The following RHOJ variants were observed in gnomAD, a reference collection of about 807,000 sequenced individuals.
RHOJ encodes rho-related GTP-binding protein RhoJ.
In RHOJ, 11 loss-of-function variants were observed where a neutral mutation model predicts 23.4. The ratio of observed to expected loss-of-function variants is 0.47; its 90% CI spans 0.30 to 0.78. The LOEUF (loss-of-function observed/expected upper bound fraction) is 0.78, where lower values mean the gene tolerates loss of function less well. Among genes scored for constraint, RHOJ ranks in the 30% least tolerant of loss-of-function variants. The pLI is 0.08. For synonymous variants in RHOJ, 102 were observed against 102.7 expected (o/e 0.99, Z 0.04); for missense variants, 254 against 273.4 (o/e 0.93, Z 0.50).
intron 1 of RHOJ, among the ~76,000 whole-genome samples, chr14:63,247,812 A>G (rs1895002840): frequency 6.6e-6 from 1 of 152,220 alleles, no homozygotes; most frequent in Non-Finnish European, 1.5e-5. Context: ...AGACTGGGTA[A>G]TTTAAAAAGA....
intron 1 of RHOJ, among the ~76,000 whole-genome samples, chr14:63,211,134 G>C (rs575868986): frequency 5.8e-4 from 88 of 152,306 alleles, no homozygotes; most frequent in African/African-American, 2.1e-3. Context: ...GCCCAAGGTA[G>C]ACAGTCATAA....
intron 1 of RHOJ, among the ~76,000 whole-genome samples, chr14:63,266,330 G>T (rs192480346): frequency 2.6e-5 from 4 of 152,254 alleles, no homozygotes; most frequent in Non-Finnish European, 5.9e-5. Flanking sequence ...ATTCCAAAGG[G>T]AGGAGAGTAT....
intron 1 of RHOJ, among the ~76,000 whole-genome samples, chr14:63,260,900 C>T (rs1159614149): frequency 6.6e-6 from 1 of 151,780 alleles, no homozygotes; most frequent in African/African-American, 2.4e-5. Flanking sequence ...CCTGATAGTA[C>T]TTATATCAAC....
At chr14:63,220,488 A>C (rs1894467078) in intron 1 of RHOJ, among the ~76,000 whole-genome samples, 1 of 152,144 alleles carries the variant, frequency 6.6e-6, no homozygotes, top group African/African-American at 2.4e-5. Context: ...GTTAAATAGA[A>C]AAAAAACAAC....
intron 1 of RHOJ, among the ~76,000 whole-genome samples, chr14:63,266,878 A>G (rs1205561241): frequency 1.3e-5 from 2 of 152,060 alleles, no homozygotes; most frequent in African/African-American, 4.8e-5. Flanking sequence ...CTCTTTTCAT[A>G]TTTTGCTCAG....
intron 1 of RHOJ, among the ~76,000 whole-genome samples, chr14:63,231,524 G>T (rs1387930031): frequency 6.6e-6 from 1 of 152,172 alleles, no homozygotes; most frequent in Non-Finnish European, 1.5e-5. Flanking sequence ...AGCCATGTTA[G>T]GAATGGACGC....
intron 1 of RHOJ, among the ~76,000 whole-genome samples, chr14:63,206,695 C>G (rs920523410): frequency 6.6e-6 from 1 of 152,224 alleles, no homozygotes; most frequent in East Asian, 1.9e-4. Flanking sequence ...AAAATCTACA[C>G]TAGAAATCAA....
At chr14:63,222,274 A>G (rs984909299) in intron 1 of RHOJ, among the ~76,000 whole-genome samples, 1 of 152,080 alleles carries the variant, frequency 6.6e-6, no homozygotes, top group African/African-American at 2.4e-5. Context: ...GAATAGTGCC[A>G]CAATAAACAT....
intron 4 of RHOJ, chr14:63,288,418 A>T (rs1452354944): frequency 1.2e-6 from 1 of 808,194 alleles, no homozygotes; most frequent in Admixed American, 6.2e-5. Flanking sequence ...AAGGTGCTAC[A>T]GCAGTTTCTA....
At chr14:63,276,675 G>A (rs1167067082) in intron 2 of RHOJ, among the ~76,000 whole-genome samples, 3 of 152,164 alleles carry the variant, frequency 2.0e-5, no homozygotes, top group African/African-American at 4.8e-5. Flanking sequence ...AAACGACTCA[G>A]CTGGAGGGCC....
chr14:63,209,554 ACT>A lies in RHOJ; in HGVS notation c.178+4512_178+4513del, dbSNP rs1294422834. On this transcript the variant is annotated intron_variant, in intron 1 of 4. Coordinates refer to ENST00000316754, the MANE Select transcript of RHOJ (RefSeq NM_020663.5). ...TGCATGTGTGCTTGCACACACACAC[ACT>A]CTCTTTCTCTCTTTAACCTATCTTG... Among the ~76,000 whole-genome samples, 4 of 151,970 alleles carry A rather than the reference ACT, an allele frequency of 2.6e-5. No individual in the cohort carries two copies. In the South Asian group the frequency reaches 8.3e-4, roughly 32 times the overall value.
At chr14:63,220,572 G>A (rs931127180) in intron 1 of RHOJ, among the ~76,000 whole-genome samples, 3 of 152,198 alleles carry the variant, frequency 2.0e-5, no homozygotes, top group African/African-American at 2.4e-5. Context: ...AAGACAAGCC[G>A]AGGAACTACC....
intron 1 of RHOJ, among the ~76,000 whole-genome samples, chr14:63,247,063 A>G (rs974899541): frequency 6.6e-6 from 1 of 152,242 alleles, no homozygotes; most frequent in Non-Finnish European, 1.5e-5. Flanking sequence ...CTGGAATCAG[A>G]AAGACATGGA....
intron 1 of RHOJ, among the ~76,000 whole-genome samples, chr14:63,238,084 G>C (rs193006925): frequency 1.3e-4 from 20 of 152,252 alleles, no homozygotes; most frequent in Admixed American, 7.8e-4. Context: ...GGCTTAACAT[G>C]GCAAATCTTT....
intron 1 of RHOJ, among the ~76,000 whole-genome samples, chr14:63,243,764 AG>A (rs1339565550): frequency 6.6e-6 from 1 of 152,196 alleles, no homozygotes. Context: ...AGAGTGAGGA[AG>A]GCTTAACTCA....
intron 1 of RHOJ, among the ~76,000 whole-genome samples, chr14:63,254,452 T>C (rs1341392198): frequency 6.6e-6 from 1 of 152,086 alleles, no homozygotes; most frequent in Non-Finnish European, 1.5e-5. Context: ...GAGGGGGGCA[T>C]TTAAGCCATC....
At chr14:63,288,028 C>T (rs967591162) in intron 4 of RHOJ, among the ~76,000 whole-genome samples, 1 of 152,194 alleles carries the variant, frequency 6.6e-6, no homozygotes, top group Non-Finnish European at 1.5e-5. Flanking sequence ...TAGCACTTGA[C>T]ACATGGTAAC....
At chr14:63,268,066 A>T (rs2139654023) in intron 1 of RHOJ, among the ~76,000 whole-genome samples, 1 of 152,354 alleles carries the variant, frequency 6.6e-6, no homozygotes, top group East Asian at 1.9e-4. Context: ...GTTATAAAAG[A>T]TTGCTATTCA....
intron 1 of RHOJ, among the ~76,000 whole-genome samples, chr14:63,234,972 A>C (rs1894762721): frequency 6.6e-6 from 1 of 152,190 alleles, no homozygotes; most frequent in Non-Finnish European, 1.5e-5. Flanking sequence ...CAGTAAACTC[A>C]GAAACATTGT....
Sources: gnomAD v4.1 joint callset for allele counts (sites outside exome capture counted in the v4.1 genomes callset) on GRCh38, gnomAD v4.1.1 for gene constraint, MANE v1.5 for transcripts, NCBI Gene and HGNC (gene_info 2026-07-23, HGNC 2026-07-21) for gene names.